The following BMP2K variants were observed in gnomAD, a reference collection of about 807,000 sequenced individuals.
BMP2K encodes BMP2 inducible kinase.
Under a neutral mutation model 116.0 loss-of-function variants are expected in BMP2K, and 74 were observed. The ratio of observed to expected loss-of-function variants is 0.64; its 90% CI spans 0.53 to 0.77. The LOEUF (loss-of-function observed/expected upper bound fraction) is 0.77. Among genes scored for constraint, BMP2K ranks in the 30% least tolerant of loss-of-function variants. BMP2K has a pLI of 0.00. For missense variants in BMP2K, 1,365 were observed against 1,403.6 expected (o/e 0.97, Z 0.44); for synonymous variants, 486 against 502.5 (o/e 0.97, Z 0.44).
intron 3 of BMP2K, among the ~76,000 whole-genome samples, chr4:78,839,112 T>G (rs933461523): frequency 2.0e-5 from 3 of 152,206 alleles, no homozygotes; most frequent in Admixed American, 6.5e-5. Flanking sequence ...TAAAATAACT[T>G]TCGTTTATTA....
At chr4:78,865,457 A>G in intron 9 of BMP2K, 100 bp from the exon 10 acceptor site, 1 of 1,100,938 alleles carries the variant, frequency 9.1e-7, no homozygotes, top group Non-Finnish European at 1.3e-6. Context: ...GATTATCAGT[A>G]ATAGTTAAAA....
intron 1 of BMP2K, among the ~76,000 whole-genome samples, chr4:78,796,400 G>T (rs113795064): frequency 0.044 from 5,255 of 120,202 alleles, 288 homozygotes; most frequent in African/African-American, 0.16. Flanking sequence ...GTGGGGGGAG[G>T]GGGGAGGGAT....
intron 1 of BMP2K, among the ~76,000 whole-genome samples, chr4:78,806,615 A>C (rs1324112222): frequency 6.6e-6 from 1 of 152,154 alleles, no homozygotes; most frequent in East Asian, 1.9e-4. Flanking sequence ...GTGAGACATA[A>C]ATATATATAC....
At chr4:78,828,930 C>G (rs1224559240) in intron 2 of BMP2K, among the ~76,000 whole-genome samples, 1 of 152,050 alleles carries the variant, frequency 6.6e-6, no homozygotes, top group Non-Finnish European at 1.5e-5. Context: ...GTTTCTTAAC[C>G]CATTTATGCT....
chr4:78,845,037 A>T lies in BMP2K; in HGVS notation c.656A>T (p.Glu219Val). ...PQKDGVNVVE[E>V]EIKKYTTLSY... ...AAAGATGGAGTTAATGTAGTAGAAG[A>T]AGAAATTAAAAAGTAAGTATTTGTC... The change falls in exon 5 of 16, where the codon GAA becomes GTA. Residue 219 changes from glutamate (E) to valine (V), a missense_variant. Glu to Val is a moderately radical substitution (Grantham distance 121, BLOSUM62 -2). Transcript: ENST00000502613. 6.3e-7 allele frequency: 1 copy of T among 1,576,196 alleles called. No homozygotes were observed. Among genetic ancestry groups the T allele is most frequent in the Non-Finnish European group, 8.7e-7 (1 of 1,152,266 alleles).
intron 1 of BMP2K, among the ~76,000 whole-genome samples, chr4:78,825,803 C>CCAAAA (rs1421069362): frequency 2.6e-5 from 4 of 152,162 alleles, no homozygotes; most frequent in Non-Finnish European, 5.9e-5. Context: ...GAAATTTTAG[C>CCAAAA]CTTTAAGAGA....
At chr4:78,831,843 G>C (rs548039533) in intron 2 of BMP2K, among the ~76,000 whole-genome samples, 1 of 152,162 alleles carries the variant, frequency 6.6e-6, no homozygotes, top group East Asian at 1.9e-4. Flanking sequence ...GCTCTGGATG[G>C]CTTCTTATTC....
intron 15 of BMP2K, 104 bp from the exon 16 acceptor site, chr4:78,910,506 G>A (rs781356314): frequency 2.3e-5 from 22 of 965,626 alleles, no homozygotes; most frequent in Admixed American, 6.7e-5. Context: ...AAGGGAACTC[G>A]TATGAGGGAT....
intron 1 of BMP2K, among the ~76,000 whole-genome samples, chr4:78,792,170 G>A (rs923057834): frequency 1.1e-4 from 16 of 152,152 alleles, no homozygotes; most frequent in African/African-American, 3.9e-4. Flanking sequence ...GAAATGTGCA[G>A]AACCTCTGTG....
At chr4:78,822,969 C>A (rs560158638) in intron 1 of BMP2K, among the ~76,000 whole-genome samples, 1 of 152,216 alleles carries the variant, frequency 6.6e-6, no homozygotes, top group African/African-American at 2.4e-5. Context: ...GTGCATTCTT[C>A]AAACAGAAAT....
Position 78,871,015 on chromosome 4 carries a change from C to G in BMP2K, c.1464C>G (p.His488Gln), listed in dbSNP as rs775319075. ...QQQQQQQQQH[H>Q]HHHHHHLLQD... ...AGCAGCAGCAGCAGCAGCAGCACCA[C>G]CACCACCACCACCACCACCTACTTC... The change falls in exon 11 of 16, where the codon CAC becomes CAG. Residue 488 changes from histidine (H) to glutamine (Q), a missense_variant. This residue lies in a region of BMP2K where 762 missense variants were observed against 756.7 expected (regional missense o/e 1.01). Transcript: ENST00000502613. The G allele has an allele frequency of 4.4e-6, 7 of 1,603,774 alleles. No individual in the cohort carries two copies. In the Admixed American group the frequency reaches 5.0e-5, roughly 12 times the overall value.
intron 14 of BMP2K, chr4:78,879,336 G>A (rs1732788650): frequency 1.0e-6 from 1 of 988,846 alleles, no homozygotes; most frequent in African/African-American, 1.7e-5. Context: ...ACTACATTAT[G>A]TTAATGTTTT....
At chr4:78,852,765 T>G (rs1036146993) in intron 7 of BMP2K, among the ~76,000 whole-genome samples, 1 of 152,044 alleles carries the variant, frequency 6.6e-6, no homozygotes, top group Non-Finnish European at 1.5e-5. Flanking sequence ...GCCACCATGC[T>G]GGTTTAATTT....
intron 1 of BMP2K, among the ~76,000 whole-genome samples, chr4:78,794,009 G>A (rs561961570): frequency 1.3e-5 from 2 of 152,058 alleles, no homozygotes; most frequent in Non-Finnish European, 2.9e-5. Context: ...GGGGTTATTC[G>A]CCTGGGGTTC....
intron 3 of BMP2K, among the ~76,000 whole-genome samples, chr4:78,838,790 T>A (rs1423593460): frequency 6.6e-6 from 1 of 152,242 alleles, no homozygotes; most frequent in South Asian, 2.1e-4. Flanking sequence ...AGGTATTCAA[T>A]GTTTACCATC....
chr4:78,887,446 AT>A (rs1733157732), intron 15 of BMP2K, 162 bp downstream of exon 15: 1 of 609,498 alleles, frequency 1.6e-6, no homozygotes, highest in Non-Finnish European at 2.9e-6. Flanking sequence ...TGTTCTTTGC[AT>A]TGAGTTATTA....
intron 15 of BMP2K, among the ~76,000 whole-genome samples, chr4:78,902,469 T>C (rs1734058940): frequency 6.8e-6 from 1 of 147,822 alleles, no homozygotes; most frequent in Admixed American, 6.6e-5. Flanking sequence ...CCTAATCCAC[T>C]AATCCTTGTG....
chr4:78,872,947 C>T, intron 13 of BMP2K, 149 bp downstream of exon 13: 1 of 780,862 alleles, frequency 1.3e-6, no homozygotes, highest in South Asian at 2.0e-5. Flanking sequence ...GTCTTCTGGT[C>T]CCTTGGCATC....
chr4:78,785,687 T>C (rs1274924301), intron 1 of BMP2K, among the ~76,000 whole-genome samples: 1 of 152,202 alleles, frequency 6.6e-6, no homozygotes, highest in African/African-American at 2.4e-5. Flanking sequence ...TGACAGTACT[T>C]TCTCTGATGA....
Sources: allele counts gnomAD v4.1 joint callset (sites outside exome capture counted in the v4.1 genomes callset), GRCh38; gene constraint gnomAD v4.1.1; regional missense constraint gnomAD v4.1.1; transcripts MANE v1.5; gene names NCBI Gene and HGNC (gene_info 2026-07-23, HGNC 2026-07-21).